GRAMD1C: variants seen among roughly 807,000 people sequenced by gnomAD.
GRAMD1C encodes protein Aster-C.
GRAMD1C carries 89 observed loss-of-function variants against 97.8 expected under a neutral mutation model. That is an observed-to-expected ratio of 0.91 (90% confidence interval 0.77 to 1.09). The LOEUF is 1.09. GRAMD1C is among the 50% of genes least tolerant of loss of function. GRAMD1C has a pLI of 0.00. For missense variants in GRAMD1C, 740 were observed against 766.4 expected, an observed-to-expected ratio of 0.97 and a Z score of 0.41; for synonymous variants, 256 against 267.0, an observed-to-expected ratio of 0.96 and a Z score of 0.40.
In GRAMD1C at chr3:113,887,499, G is replaced by C. The variant is rs183832048; in HGVS notation, c.540+4667G>C. Among the ~76,000 whole-genome samples the C allele has an allele frequency of 1.8e-3, 276 of 151,982 alleles. 3 individuals carry two copies. The East Asian group carries it at 0.049, about 27-fold the overall frequency. Reference sequence around the variant, plus strand: ...GTGGGTCACGAGGTCAGGAGATCGAGACCATCCTGGCTAACATGGTGAAAC... The same window carrying C: ...GTGGGTCACGAGGTCAGGAGATCGACACCATCCTGGCTAACATGGTGAAAC... On this transcript the variant is annotated intron_variant, in intron 6 of 17. Transcript: ENST00000358160.
At chr3:113,911,442 C>A (rs1430344079) in intron 9 of GRAMD1C, among the ~76,000 whole-genome samples, 1 of 151,944 alleles carries the variant, frequency 6.6e-6, no homozygotes, top group Non-Finnish European at 1.5e-5. Flanking sequence ...CAAGGGGTTT[C>A]CTCATGTTGG....
intron 6 of GRAMD1C, among the ~76,000 whole-genome samples, chr3:113,888,476 G>T (rs997845114): frequency 6.6e-6 from 1 of 152,078 alleles, no homozygotes; most frequent in Non-Finnish European, 1.5e-5. Flanking sequence ...TAATAGAGTA[G>T]ATCTTAAGTT....
At chr3:113,845,393 T>C (rs2107319492) in intron 2 of GRAMD1C, among the ~76,000 whole-genome samples, 1 of 152,226 alleles carries the variant, frequency 6.6e-6, no homozygotes, top group African/African-American at 2.4e-5. Context: ...ATTAGTTCAT[T>C]AGAAAGCTGA....
At chr3:113,890,077 C>CA (rs11385972) in intron 6 of GRAMD1C, among the ~76,000 whole-genome samples, 93,926 of 151,884 alleles carry the variant, frequency 0.62, 29,381 homozygotes, top group East Asian at 0.75. Flanking sequence ...TTGAACTGAA[C>CA]GCTGAGGACA....
At chr3:113,900,958 C>T (rs1936146101) in intron 6 of GRAMD1C, 73 bp from the exon 7 acceptor site, 4 of 815,220 alleles carry the variant, frequency 4.9e-6, no homozygotes, top group Admixed American at 3.8e-5. Context: ...GACTTCAAAA[C>T]TCATGTTTTG....
chr3:113,914,801 A>G (rs1029865877), intron 9 of GRAMD1C, among the ~76,000 whole-genome samples: 36 of 151,946 alleles, frequency 2.4e-4, no homozygotes, highest in African/African-American at 8.7e-4. Flanking sequence ...TCAGTCACTC[A>G]CTAGCCATGG....
chr3:113,869,519 A>G lies in GRAMD1C; in HGVS notation c.187A>G (p.Thr63Ala), dbSNP rs1323523692. ...GDWSFWISSS[T>A]YKDRNEEYRR... ...TTTATTGTTGCAGATTTCAAGTTCC[A>G]CCTATAAAGACAGGAATGAGGAATA... The change falls in exon 3 of 18, where the codon ACC becomes GCC. Residue 63 changes from threonine to alanine, a missense_variant. Transcript: ENST00000358160. 5.4e-6 allele frequency: 8 copies of G among 1,484,972 alleles called. No individual in the cohort carries two copies. Among genetic ancestry groups the G allele is most frequent in the Non-Finnish European group, 7.5e-6 (8 of 1,073,156 alleles). The allele number at this position is 1,484,972 out of a possible 1,614,324, so 92.0% of individuals were successfully genotyped here.
intron 2 of GRAMD1C, among the ~76,000 whole-genome samples, chr3:113,865,444 T>C (rs533757575): frequency 6.6e-6 from 1 of 152,312 alleles, no homozygotes; most frequent in African/African-American, 2.4e-5. Context: ...CATTTTTGAT[T>C]AGAAGCCAAC....
intron 6 of GRAMD1C, chr3:113,890,521 G>A (rs138132554): frequency 6.5e-5 from 32 of 493,198 alleles, no homozygotes; most frequent in African/African-American, 5.5e-4. Context: ...ACTGCAGGCC[G>A]GTCACTTTCA....
chr3:113,915,520 T>C (rs933720919), intron 9 of GRAMD1C, among the ~76,000 whole-genome samples, 181 bp from the exon 10 acceptor site: 1 of 152,216 alleles, frequency 6.6e-6, no homozygotes, highest in Non-Finnish European at 1.5e-5. Flanking sequence ...CATACATATG[T>C]ATATATTTAA....
chr3:113,828,595 T>C (rs539913638), intron 1 of GRAMD1C, among the ~76,000 whole-genome samples: 1 of 152,324 alleles, frequency 6.6e-6, no homozygotes, highest in South Asian at 2.1e-4. Context: ...TATCTTTGAA[T>C]TTCATGTCAG....
chr3:113,838,517 G>C (rs1276554116), upstream of GRAMD1C: 1 of 177,888 alleles, frequency 5.6e-6, no homozygotes, highest in Non-Finnish European at 1.2e-5. Context: ...GTTGCAGTTA[G>C]CCGAGACGGG....
chr3:113,915,833 T>C lies in GRAMD1C; in HGVS notation c.1085T>C (p.Ile362Thr), dbSNP rs771335937. 5.0e-6 allele frequency: 8 copies of C among 1,607,700 alleles called. No individual in the cohort carries two copies. In the South Asian group the frequency reaches 8.8e-5, roughly 18 times the overall value. The change falls in exon 10 of 18, where the codon ATA becomes ACA. Residue 362 changes from isoleucine (I) to threonine (T), a missense_variant. Transcript: ENST00000358160. ...CAGAAATTTGCCAGTTCTAGAAATA[T>C]AATAGGTTAGTCCTTGTGTTCTTAC... is the stretch of plus-strand genomic sequence containing the variant. ...FMQKFASSRN[I>T]IDVVSTPWTA...
intron 6 of GRAMD1C, among the ~76,000 whole-genome samples, chr3:113,887,179 C>T (rs1358978741): frequency 6.7e-6 from 1 of 148,694 alleles, no homozygotes; most frequent in Non-Finnish European, 1.5e-5. Context: ...CAACCTCCGT[C>T]TCACAGGTGC....
At chr3:113,851,907 C>G (rs1577126097) in intron 2 of GRAMD1C, among the ~76,000 whole-genome samples, 1 of 148,494 alleles carries the variant, frequency 6.7e-6, no homozygotes, top group African/African-American at 2.5e-5. Flanking sequence ...CTCACTCTGT[C>G]AGCCAGGCTG....
At chr3:113,921,577 G>A (rs993947264) in intron 10 of GRAMD1C, among the ~76,000 whole-genome samples, 2 of 152,168 alleles carry the variant, frequency 1.3e-5, no homozygotes, top group African/African-American at 2.4e-5. Context: ...ACTCCCAGAA[G>A]CAGTGTACAA....
At chr3:113,886,017 C>T (rs2107409533) in intron 6 of GRAMD1C, 1 of 1,343,888 alleles carries the variant, frequency 7.4e-7, no homozygotes, top group Non-Finnish European at 1.0e-6. Context: ...CCTTCACCAA[C>T]ATCGGCTCTG....
At chr3:113,924,277 T>C (rs1320901895) in intron 10 of GRAMD1C, among the ~76,000 whole-genome samples, 1 of 152,192 alleles carries the variant, frequency 6.6e-6, no homozygotes, top group Non-Finnish European at 1.5e-5. Context: ...TTTCATTCTG[T>C]TTAGCTCTAA....
At chr3:113,858,464 G>A (rs1169446716) in intron 2 of GRAMD1C, among the ~76,000 whole-genome samples, 9 of 137,318 alleles carry the variant, frequency 6.6e-5, no homozygotes, top group Admixed American at 2.4e-4. Flanking sequence ...GTTTGATCTC[G>A]GCTCACTGCA....
Sources: allele counts gnomAD v4.1 joint callset (sites outside exome capture counted in the v4.1 genomes callset), GRCh38; gene constraint gnomAD v4.1.1; transcripts MANE v1.5; gene names NCBI Gene and HGNC (gene_info 2026-07-23, HGNC 2026-07-21).